Variants in KRT80 observed in about 807,000 individuals in gnomAD.
KRT80 encodes the protein keratin, type II cytoskeletal 80.
Under a neutral mutation model 51.5 loss-of-function variants are expected in KRT80, and 36 were observed. The ratio of observed to expected loss-of-function variants is 0.70; its 90% CI spans 0.54 to 0.92. The LOEUF is 0.92. Ranked by LOEUF, KRT80 falls within the 40% of genes least tolerant of loss-of-function variation. The pLI is 0.00. For missense variants in KRT80, 566 were observed against 591.7 expected (o/e 0.96, Z 0.45); for synonymous variants, 235 against 248.3 (o/e 0.95, Z 0.50).
Position 52,189,877 on chromosome 12 carries a change from C to T in KRT80, c.300+1726G>A, listed in dbSNP as rs564630023. Among the ~76,000 whole-genome samples the T allele has an allele frequency of 2.6e-5, 4 of 152,372 alleles. No individual in the cohort carries two copies. In the South Asian group the frequency reaches 6.2e-4, roughly 24 times the overall value. ...GAGGGCCTCTTCCCTGTGCTTATAT[C>T]CTCCCATCCCCATGGCAGGGGCACA... is the stretch of plus-strand genomic sequence containing the variant. On this transcript the variant is annotated intron_variant, in intron 1 of 8. Transcript: ENST00000394815.
At chr12:52,182,332 T>C (rs747199362) in intron 2 of KRT80, among the ~76,000 whole-genome samples, 8 of 152,098 alleles carry the variant, frequency 5.3e-5, no homozygotes, top group South Asian at 4.1e-4. Context: ...GGAAGTCCCA[T>C]TGGTCTCATT....
At chr12:52,174,744 G>A (rs1941190737) in intron 4 of KRT80, among the ~76,000 whole-genome samples, 1 of 152,228 alleles carries the variant, frequency 6.6e-6, no homozygotes, top group Non-Finnish European at 1.5e-5. Flanking sequence ...GAGACAAGGG[G>A]CTGACACCTT....
At chr12:52,180,020 G>T (rs1941293418) in intron 4 of KRT80, among the ~76,000 whole-genome samples, 1 of 152,226 alleles carries the variant, frequency 6.6e-6, no homozygotes, top group Non-Finnish European at 1.5e-5. Context: ...CCCCACTGAG[G>T]ACTTAGGAAA....
At chr12:52,183,378 A>G (rs1941354044) in intron 2 of KRT80, among the ~76,000 whole-genome samples, 1 of 152,212 alleles carries the variant, frequency 6.6e-6, no homozygotes, top group African/African-American at 2.4e-5. Flanking sequence ...TCTGGGAGTG[A>G]GGCTGATCTC....
At chr12:52,171,793 C>T in intron 7 of KRT80, 80 bp from the exon 8 acceptor site, 1 of 977,940 alleles carries the variant, frequency 1.0e-6, no homozygotes, top group Non-Finnish European at 1.6e-6. Context: ...CCCCTGGGGG[C>T]TGGCAAGTGG....
chr12:52,192,002 C>A lies in KRT80; in HGVS notation c.-100G>T. On this transcript the variant is annotated 5_prime_UTR_variant, in exon 1 of 9. Coordinates refer to ENST00000394815, the MANE Select transcript of KRT80 (RefSeq NM_182507.3). The stretch of plus-strand genomic sequence containing the variant: ...CTGGTTGCTCTGGTCACAGCTGGGG[C>A]GGGCTGGGGACTGAGGAGCAGACAC... 8.7e-7 allele frequency: 1 copy of A among 1,144,810 alleles called. No homozygotes were observed. Among genetic ancestry groups the A allele is most frequent in the Non-Finnish European group, 1.2e-6 (1 of 841,602 alleles). 70.9% of individuals were successfully genotyped at this position (1,144,810 alleles called of 1,614,324 possible).
intron 1 of KRT80, among the ~76,000 whole-genome samples, chr12:52,190,477 C>T (rs1941463426): frequency 6.6e-6 from 1 of 152,250 alleles, no homozygotes; most frequent in Non-Finnish European, 1.5e-5. Context: ...CTTCCCTCTG[C>T]CCCTCTCTGT....
chr12:52,190,081 C>T (rs902725108), intron 1 of KRT80, among the ~76,000 whole-genome samples: 6 of 152,362 alleles, frequency 3.9e-5, no homozygotes, highest in Non-Finnish European at 7.3e-5. Flanking sequence ...CTCAGCAATG[C>T]AAGGCTCTGT....
chr12:52,180,532 A>G lies in KRT80; in HGVS notation c.647T>C (p.Met216Thr). ...LKSLESFVEL[M>T]KTIYEQELKD... ...ACTCACCTGCTCATAGATGGTTTTC[A>G]TCAACTCCACGAAGCTCTCCAGGCT... Residue 216 changes from methionine (M) to threonine (T), a missense_variant, in exon 4 of 9, where the codon ATG (methionine) becomes ACG (threonine). Physicochemically the swap from Met to Thr is moderately conservative, Grantham distance 81 (BLOSUM62 -1). Coordinates refer to ENST00000394815, the MANE Select transcript of KRT80 (RefSeq NM_182507.3). 1 of 1,472,170 alleles carries G rather than the reference A, an allele frequency of 6.8e-7. No homozygotes were observed. 91.2% of individuals were successfully genotyped at this position (1,472,170 alleles called of 1,614,324 possible).
At chr12:52,175,990 G>A (rs1488710185) in intron 4 of KRT80, among the ~76,000 whole-genome samples, 4 of 152,170 alleles carry the variant, frequency 2.6e-5, no homozygotes, top group Non-Finnish European at 4.4e-5. Context: ...GAGCCCTCCA[G>A]TGTGCTTCTA....
rs777271283 is a variant in KRT80, at chr12:52,180,580, G to T, written c.599C>A (p.Thr200Asn). The change falls in exon 4 of 9, where the codon ACT becomes AAT. Residue 200 changes from threonine (T) to asparagine (N), a missense_variant. Transcript: ENST00000394815. Reference sequence around the variant, plus strand: ...GCTTTTTAACTTGGTTTCCAGTTCAGTCCGATGAAGACACTCTGCATCCAG... The same window carrying T: ...GCTTTTTAACTTGGTTTCCAGTTCATTCCGATGAAGACACTCTGCATCCAG... ...KDLDAECLHR[T>N]ELETKLKSLE... 1.5e-5 allele frequency: 23 copies of T among 1,499,904 alleles called. No individual in the cohort carries two copies. The Admixed American group carries it at 5.5e-4, about 36-fold the overall frequency. 92.9% of individuals were successfully genotyped at this position (1,499,904 alleles called of 1,614,324 possible). A position where few individuals can be genotyped will look rare whatever the true frequency, so the allele number is the denominator to read the frequency against.
Position 52,172,420 on chromosome 12 carries a change from T to C in KRT80, c.958-2A>G. ...GATGTTCTCCTCCAGTTTCAGGCAC[T>C]GCAGCCAGGAGGACAGAGTGAAAGG... On this transcript the variant is annotated splice_acceptor_variant, in intron 6 of 8. Transcript: ENST00000394815. LOFTEE classifies it high-confidence loss of function. 3 of 1,610,128 alleles carry C rather than the reference T, an allele frequency of 1.9e-6. No homozygotes were observed. Among genetic ancestry groups the C allele is most frequent in the Non-Finnish European group, 2.5e-6 (3 of 1,177,196 alleles).
At position 52,172,201 on chromosome 12, in the gene KRT80, C is replaced by T. The variant is rs371482488; in HGVS notation, c.1175G>A (p.Gly392Asp). The T allele has an allele frequency of 6.2e-7, 1 of 1,613,410 alleles. No homozygotes were observed. Among genetic ancestry groups the T allele is most frequent in the Non-Finnish European group, 8.5e-7 (1 of 1,179,996 alleles). ...CCTCACCAGCCCTGGCTCTCACCTG[C>T]CCTCCTCGCCCTCCACCAGCTTCCT... ...TYRKLVEGEE[G>D]RMDSPSATVV... The change falls in exon 7 of 9, where the codon GGC (glycine) becomes GAC (aspartate). Residue 392 changes from glycine (G) to aspartate (D), a missense_variant. Transcript: ENST00000394815.
At chr12:52,184,029 T>C (rs1270041678) in intron 2 of KRT80, among the ~76,000 whole-genome samples, 6 of 10,410 alleles carry the variant, frequency 5.8e-4, no homozygotes, top group East Asian at 4.4e-3. Flanking sequence ...TCAGATGCCC[T>C]GTGTGTGTTT....
Position 52,173,502 on chromosome 12 carries a change from G to C in KRT80, c.831+98C>G. ...TCCTCTCTCATAGACTTTCAGGACAGAGAGCTGCAGGCAACCTCAGCCATC... is the reference window on the plus strand; with the variant it reads ...TCCTCTCTCATAGACTTTCAGGACACAGAGCTGCAGGCAACCTCAGCCATC... On this transcript the variant is annotated intron_variant, in intron 5 of 8. Coordinates refer to ENST00000394815, the MANE Select transcript of KRT80 (RefSeq NM_182507.3). 2 of 1,009,806 alleles carry C rather than the reference G, an allele frequency of 2.0e-6. 1 individual carries two copies. Among genetic ancestry groups the C allele is most frequent in the South Asian group, 2.8e-5 (2 of 71,450 alleles). 62.6% of individuals were successfully genotyped at this position (1,009,806 alleles called of 1,614,324 possible). A position where few individuals can be genotyped will look rare whatever the true frequency, so the allele number is the denominator to read the frequency against.
At position 52,191,932 on chromosome 12, in the gene KRT80, AG is replaced by A. The variant is rs771398915; in HGVS notation, c.-31del. ...CCCCCGGCCGGAAGCAGGAGGGCCC[AG>A]GGGGGTGAGCGAGTGAGCCTGGGGT... On this transcript the variant is annotated 5_prime_UTR_variant, in exon 1 of 9. Transcript: ENST00000394815. 23 of 1,441,134 alleles carry A rather than the reference AG, an allele frequency of 1.6e-5. No homozygotes were observed. In the Admixed American group the frequency reaches 3.3e-4, roughly 21 times the overall value. 89.3% of individuals were successfully genotyped at this position (1,441,134 alleles called of 1,614,324 possible). A position where few individuals can be genotyped will look rare whatever the true frequency, so the allele number is the denominator to read the frequency against.
chr12:52,185,715 G>C, intron 1 of KRT80, 128 bp from the exon 2 acceptor site: 1 of 1,521,724 alleles, frequency 6.6e-7, no homozygotes, highest in Non-Finnish European at 8.8e-7. Flanking sequence ...ACACCACCCA[G>C]GGCGCTCACT....
chr12:52,173,596 C>G lies in KRT80; in HGVS notation c.831+4G>C. 1 of 1,612,090 alleles carries G rather than the reference C, an allele frequency of 6.2e-7. No homozygotes were observed. The highest frequency in any genetic ancestry group is 8.5e-7 in the Non-Finnish European group (1 of 1,179,818). On this transcript the variant is annotated splice_donor_region_variant and intron_variant, in intron 5 of 8. Transcript: ENST00000394815. ...CTTCTCGTGCCCTGTGTGGTCAGCCCCACCTGGCTCCGAGAGTATGCCTCG... is the reference window on the plus strand; with the variant it reads ...CTTCTCGTGCCCTGTGTGGTCAGCCGCACCTGGCTCCGAGAGTATGCCTCG...
rs180834046 is a variant in KRT80, at chr12:52,174,719, C to G, written c.667-955G>C. Among the ~76,000 whole-genome samples, 6 of 152,350 alleles carry G rather than the reference C, an allele frequency of 3.9e-5. No homozygotes were observed. In the East Asian group the frequency reaches 1.2e-3, roughly 29 times the overall value. ...AGCCCCTGTTGCTGCTGCTGTGACG[C>G]TCCCTTAGCGGATGGAGACAAGGGG... On this transcript the variant is annotated intron_variant, in intron 4 of 8. Transcript: ENST00000394815.
Sources: gnomAD v4.1 joint callset for allele counts (sites outside exome capture counted in the v4.1 genomes callset) on GRCh38, gnomAD v4.1.1 for gene constraint, MANE v1.5 for transcripts, NCBI Gene and HGNC (gene_info 2026-07-23, HGNC 2026-07-21) for gene names.